RAPGEF6: variants seen among roughly 807,000 people sequenced by gnomAD.
RAPGEF6 encodes Rap guanine nucleotide exchange factor 6.
In RAPGEF6, 56 loss-of-function variants were observed where a neutral mutation model predicts 171.4. The ratio of observed to expected loss-of-function variants is 0.33; its 90% CI spans 0.26 to 0.41. RAPGEF6 has a LOEUF of 0.41. Among genes scored for constraint, RAPGEF6 ranks in the 10% least tolerant of loss-of-function variants. The probability of loss-of-function intolerance (pLI) is 1.00; values close to 1 mark genes in which losing one functional copy is unlikely to be tolerated. For synonymous variants in RAPGEF6, 692 were observed against 650.1 expected (o/e 1.06, Z -0.98); for missense variants, 1,674 against 1,921.4 (o/e 0.87, Z 2.41).
chr5:131,565,705 G>A (rs1761888546), intron 4 of RAPGEF6, among the ~76,000 whole-genome samples: 1 of 152,158 alleles, frequency 6.6e-6, no homozygotes, highest in Admixed American at 6.5e-5. Context: ...ATGTTCAACT[G>A]ATTTTTGGCA....
intron 1 of RAPGEF6, among the ~76,000 whole-genome samples, chr5:131,607,670 G>A (rs895488199): frequency 6.6e-6 from 1 of 152,144 alleles, no homozygotes; most frequent in South Asian, 2.1e-4. Flanking sequence ...TAAAAGAATA[G>A]GCTAGAGGTG....
rs367955459 is a variant in RAPGEF6 at position 131,464,078 on chromosome 5, A to G, written c.2443T>C (p.Phe815Leu). The G allele has an allele frequency of 2.5e-6, 4 of 1,609,230 alleles. No homozygotes were observed. The highest frequency in any genetic ancestry group is 3.4e-6 in the Non-Finnish European group (4 of 1,177,256). Reference sequence around the variant, plus strand: ...TGAATTCTATCAGCTAATTTGGAGAACTGATCTGGAAGTCTTCTCTGTTTT... The same window carrying G: ...TGAATTCTATCAGCTAATTTGGAGAGCTGATCTGGAAGTCTTCTCTGTTTT... ...VIKQRRLPDQFSKLADRIQLN... is the reference protein window; with the variant it reads ...VIKQRRLPDQLSKLADRIQLN... Residue 815 changes from phenylalanine to leucine, a missense_variant, in exon 18 of 28, where the codon TTC becomes CTC. Phe to Leu is a conservative substitution (Grantham distance 22, BLOSUM62 0). Around this residue, in one of 3 missense-constraint regions of RAPGEF6, gnomAD observed 1,116 missense variants for 1,321.5 expected, o/e 0.84. Coordinates refer to ENST00000509018, the MANE Select transcript of RAPGEF6 (RefSeq NM_016340.6).
intron 6 of RAPGEF6, among the ~76,000 whole-genome samples, chr5:131,528,323 A>ATTTATATAT (rs879860700): frequency 0.6 from 65,306 of 109,272 alleles, 22,132 homozygotes; most frequent in Non-Finnish European, 0.74. Context: ...TTATATATAT[A>ATTTATATAT]TATATATATA....
intron 6 of RAPGEF6, among the ~76,000 whole-genome samples, chr5:131,521,889 ACACT>A (rs776645286): frequency 1.5e-3 from 196 of 130,800 alleles, no homozygotes; most frequent in South Asian, 3.9e-3. Flanking sequence ...ACACACACAC[ACACT>A]CTCTCTCTCT....
At position 131,433,639 on chromosome 5, in the gene RAPGEF6, T is replaced by C. The variant is rs375000155; in HGVS notation, c.3765A>G (p.Ser1255=). 289 of 1,610,072 alleles carry C rather than the reference T, an allele frequency of 1.8e-4. No homozygotes were observed. The highest frequency in any genetic ancestry group is 2.3e-4 in the Non-Finnish European group (276 of 1,176,750). The change falls in exon 25 of 28, where the codon TCA becomes TCG. Residue 1255 remains serine, a synonymous_variant. Coordinates refer to ENST00000509018, the MANE Select transcript of RAPGEF6 (RefSeq NM_016340.6). ...SPHKGYTLIP[S]AKSDNLSDSS... ...AGTCAGACAAGTTGTCAGATTTAGC[T>C]GATGGAATAAGTGTGTAACCTGAAC...
At chr5:131,509,894 T>C (rs992512112) in intron 8 of RAPGEF6, among the ~76,000 whole-genome samples, 1 of 152,200 alleles carries the variant, frequency 6.6e-6, no homozygotes, top group Non-Finnish European at 1.5e-5. Context: ...TGAATACAGA[T>C]AATAAAAAAC....
chr5:131,622,010 T>A (rs1190543619), intron 1 of RAPGEF6, among the ~76,000 whole-genome samples: 1 of 152,204 alleles, frequency 6.6e-6, no homozygotes. Flanking sequence ...CTATCTTTAA[T>A]CTTTTATCCC....
At chr5:131,480,316 G>A (rs1044700199) in intron 15 of RAPGEF6, among the ~76,000 whole-genome samples, 2 of 152,142 alleles carry the variant, frequency 1.3e-5, no homozygotes, top group Non-Finnish European at 2.9e-5. Context: ...ACATGGGGTG[G>A]AGGTCCTGTA....
At position 131,439,573 on chromosome 5, in the gene RAPGEF6, T is replaced by G; in HGVS notation, c.3745+8A>C. 1 of 1,603,196 alleles carries G rather than the reference T, an allele frequency of 6.2e-7. No homozygotes were observed. Among genetic ancestry groups the G allele is most frequent in the Non-Finnish European group, 8.5e-7 (1 of 1,174,956 alleles). On this transcript the variant is annotated splice_region_variant and intron_variant, in intron 24 of 27. Transcript: ENST00000509018. ...TAACAAGAACTAGTTTGAAATGTTT[T>G]GTCTTACCTTTGTGAGGGGAGCCTT...
intron 7 of RAPGEF6, among the ~76,000 whole-genome samples, chr5:131,520,523 G>A (rs1301640600): frequency 6.6e-6 from 1 of 151,790 alleles, no homozygotes; most frequent in South Asian, 2.1e-4. Flanking sequence ...AATTAAATAC[G>A]TGGCTCACAT....
At chr5:131,442,582 A>G (rs1180599539) in intron 22 of RAPGEF6, 45 bp from the exon 23 acceptor site, 1 of 1,604,162 alleles carries the variant, frequency 6.2e-7, no homozygotes, top group Non-Finnish European at 8.5e-7. Context: ...GTTTTTAGGC[A>G]AGGTTATCAC....
intron 3 of RAPGEF6, among the ~76,000 whole-genome samples, chr5:131,598,052 C>CA (rs1244639540): frequency 6.6e-6 from 1 of 151,732 alleles, no homozygotes; most frequent in African/African-American, 2.4e-5. Context: ...ACCAAATAAC[C>CA]TAAAACCAAC....
chr5:131,574,905 C>T lies in RAPGEF6; in HGVS notation c.282-12858G>A, dbSNP rs148298541. ...AAGAGGACTAAAGCCTGTTATCACT[C>T]ACCTGTTACAGCATGGCCTTTTAAA... On this transcript the variant is annotated intron_variant, in intron 4 of 27. Coordinates refer to ENST00000509018, the MANE Select transcript of RAPGEF6 (RefSeq NM_016340.6). Among the ~76,000 whole-genome samples, 665 of 152,300 alleles carry T rather than the reference C, an allele frequency of 4.4e-3. 7 individuals are homozygous for T. Among genetic ancestry groups the T allele is most frequent in the African/African-American group, 0.015 (628 of 41,564 alleles).
intron 8 of RAPGEF6, among the ~76,000 whole-genome samples, 169 bp downstream of exon 8, chr5:131,510,145 A>C (rs561289504): frequency 6.6e-6 from 1 of 152,346 alleles, no homozygotes; most frequent in South Asian, 2.1e-4. Flanking sequence ...GGAGATACCA[A>C]GCCAGAACCA....
chr5:131,497,971 T>A (rs975465819), intron 12 of RAPGEF6, among the ~76,000 whole-genome samples: 5 of 152,168 alleles, frequency 3.3e-5, no homozygotes, highest in Non-Finnish European at 7.4e-5. Context: ...AGGAGAGACA[T>A]ATTAAGGTTT....
chr5:131,521,119 AG>A (rs988533901), intron 7 of RAPGEF6, among the ~76,000 whole-genome samples: 23 of 152,322 alleles, frequency 1.5e-4, no homozygotes, highest in South Asian at 6.2e-4. Context: ...AACCAAAACA[AG>A]CATTAGATAT....
At chr5:131,510,916 T>C (rs1019611878) in intron 7 of RAPGEF6, among the ~76,000 whole-genome samples, 3 of 152,326 alleles carry the variant, frequency 2.0e-5, no homozygotes, top group Non-Finnish European at 4.4e-5. Flanking sequence ...TGTTCTTTCA[T>C]CACAGAGACT....
intron 15 of RAPGEF6, among the ~76,000 whole-genome samples, chr5:131,482,690 A>G (rs1755572464): frequency 6.6e-6 from 1 of 152,240 alleles, no homozygotes. Flanking sequence ...ATGTTTGTAT[A>G]TTACTACTGT....
intron 7 of RAPGEF6, among the ~76,000 whole-genome samples, chr5:131,514,727 C>CA (rs201835282): frequency 1.4e-4 from 21 of 150,070 alleles, no homozygotes; most frequent in Non-Finnish European, 1.8e-4. Context: ...AGAAAAAAGC[C>CA]AAAAAAAAAT....
Sources: allele counts gnomAD v4.1 joint callset (sites outside exome capture counted in the v4.1 genomes callset), GRCh38; gene constraint gnomAD v4.1.1; regional missense constraint gnomAD v4.1.1; transcripts MANE v1.5; gene names NCBI Gene and HGNC (gene_info 2026-07-23, HGNC 2026-07-21).